The following PLPPR1 variants were observed in gnomAD, a reference collection of about 807,000 sequenced individuals.
PLPPR1 encodes the protein phospholipid phosphatase-related protein type 1.
A neutral mutation model predicts 33.1 loss-of-function variants in PLPPR1; 10 were observed. The ratio of observed to expected loss-of-function variants is 0.30; its 90% CI spans 0.19 to 0.51. PLPPR1 has a LOEUF of 0.51. Among genes scored for constraint, PLPPR1 ranks in the 20% least tolerant of loss-of-function variants. The pLI is 0.97. For synonymous variants in PLPPR1, 151 were observed against 151.0 expected, an observed-to-expected ratio of 1.00 and a Z score of 0.00; for missense variants, 304 against 408.1, an observed-to-expected ratio of 0.74 and a Z score of 2.20.
intron 2 of PLPPR1, among the ~76,000 whole-genome samples, chr9:101,253,590 T>A (rs1221824489): frequency 6.6e-6 from 1 of 152,126 alleles, no homozygotes; most frequent in Non-Finnish European, 1.5e-5. Context: ...TCTTATTTTC[T>A]ACTCATTCTG....
At chr9:101,140,960 C>T (rs779248954) in intron 1 of PLPPR1, among the ~76,000 whole-genome samples, 1 of 152,254 alleles carries the variant, frequency 6.6e-6, no homozygotes, top group South Asian at 2.1e-4. Flanking sequence ...AGGCAACACT[C>T]TCTGCTTAGA....
chr9:101,260,570 A>G (rs538752634), intron 2 of PLPPR1, among the ~76,000 whole-genome samples: 1 of 152,276 alleles, frequency 6.6e-6, no homozygotes, highest in South Asian at 2.1e-4. Context: ...TAGCCTGTGT[A>G]ACTGAGAGAA....
chr9:101,309,079 A>C (rs1460211171), intron 4 of PLPPR1, 132 bp from the exon 5 acceptor site: 2 of 880,476 alleles, frequency 2.3e-6, no homozygotes, highest in African/African-American at 3.3e-5. Flanking sequence ...CCACTCCTGG[A>C]AAGATACTCC....
intron 5 of PLPPR1, among the ~76,000 whole-genome samples, chr9:101,312,377 T>C (rs1828975332): frequency 6.6e-6 from 1 of 152,188 alleles, no homozygotes; most frequent in South Asian, 2.1e-4. Context: ...TTACAGTCAC[T>C]CTCCTACCTG....
intron 2 of PLPPR1, among the ~76,000 whole-genome samples, chr9:101,218,157 T>G (rs1826843225): frequency 1.3e-5 from 2 of 152,156 alleles, no homozygotes; most frequent in African/African-American, 4.8e-5. Context: ...AAGAATACAC[T>G]ATTCTTGATA....
At chr9:101,246,777 G>T (rs1023041224) in intron 2 of PLPPR1, among the ~76,000 whole-genome samples, 9 of 152,008 alleles carry the variant, frequency 5.9e-5, no homozygotes, top group African/African-American at 2.2e-4. Flanking sequence ...ACCATACTGG[G>T]CCGTTTTCCT....
Position 101,048,897 on chromosome 9 carries a change from A to G in PLPPR1, c.-46+19795A>G, listed in dbSNP as rs74454863. The stretch of plus-strand genomic sequence containing the variant: ...ACATACTCTCCAAGAACATTACAAA[A>G]TGATAAGAAATAGATAATAAAAAAA... On this transcript the variant is annotated intron_variant, in intron 1 of 7. Transcript: ENST00000374874. Among the ~76,000 whole-genome samples, 764 of 152,358 alleles carry G rather than the reference A, an allele frequency of 5.0e-3. 6 individuals are homozygous for G. Among genetic ancestry groups the G allele is most frequent in the African/African-American group, 0.018 (733 of 41,588 alleles).
chr9:101,078,083 G>C (rs981512935), intron 1 of PLPPR1, among the ~76,000 whole-genome samples: 4 of 82,864 alleles, frequency 4.8e-5, no homozygotes, highest in African/African-American at 1.8e-4. Flanking sequence ...CTGGAATGGA[G>C]GAGGAGGAGA....
intron 1 of PLPPR1, among the ~76,000 whole-genome samples, chr9:101,113,805 C>T (rs1191175636): frequency 8.6e-5 from 13 of 151,988 alleles, no homozygotes. Flanking sequence ...AAGCAATTTG[C>T]ATATTTCTGC....
intron 2 of PLPPR1, among the ~76,000 whole-genome samples, chr9:101,222,966 C>G (rs531503708): frequency 4.0e-5 from 6 of 151,882 alleles, no homozygotes; most frequent in Non-Finnish European, 1.5e-5. Context: ...AAAGAGGCTA[C>G]AGACTACTTC....
At chr9:101,087,940 A>G (rs541618795) in intron 1 of PLPPR1, among the ~76,000 whole-genome samples, 1 of 152,320 alleles carries the variant, frequency 6.6e-6, no homozygotes, top group South Asian at 2.1e-4. Context: ...TGTTAGATGT[A>G]TCTCTGTCTC....
At chr9:101,248,360 G>A (rs1827651719) in intron 2 of PLPPR1, among the ~76,000 whole-genome samples, 1 of 152,058 alleles carries the variant, frequency 6.6e-6, no homozygotes, top group South Asian at 2.1e-4. Flanking sequence ...ATCTTACAAA[G>A]TACTTTCACA....
intron 6 of PLPPR1, 45 bp downstream of exon 6, chr9:101,313,019 T>C (rs755722730): frequency 1.3e-6 from 2 of 1,573,880 alleles, no homozygotes; most frequent in South Asian, 1.1e-5. Flanking sequence ...TCTTCTACTC[T>C]CTGAAAAACT....
intron 2 of PLPPR1, among the ~76,000 whole-genome samples, chr9:101,249,569 AT>A (rs959385850): frequency 6.6e-6 from 1 of 151,726 alleles, no homozygotes; most frequent in South Asian, 2.1e-4. Context: ...ACTCTATACT[AT>A]TTTTTTTCCT....
chr9:101,268,079 G>C (rs984331310), intron 2 of PLPPR1, among the ~76,000 whole-genome samples: 4 of 151,872 alleles, frequency 2.6e-5, no homozygotes, highest in Non-Finnish European at 5.9e-5. Flanking sequence ...ACAGGAAGGG[G>C]AACATCACAC....
chr9:101,232,193 T>G (rs1827200924), intron 2 of PLPPR1, among the ~76,000 whole-genome samples: 1 of 152,014 alleles, frequency 6.6e-6, no homozygotes, highest in South Asian at 2.1e-4. Flanking sequence ...TTTTTTAATG[T>G]CTTCGAAAGT....
intron 1 of PLPPR1, chr9:101,131,455 A>C (rs959840191): frequency 6.6e-6 from 1 of 152,188 alleles, no homozygotes; most frequent in Admixed American, 6.5e-5. Context: ...TGTTGAGCTC[A>C]TCAGGTTTAA....
At chr9:101,274,360 T>C (rs1417129548) in intron 3 of PLPPR1, among the ~76,000 whole-genome samples, 2 of 152,184 alleles carry the variant, frequency 1.3e-5, no homozygotes, top group African/African-American at 2.4e-5. Context: ...TCAAGTAGGT[T>C]AGATGATTTG....
At chr9:101,104,491 A>G (rs1265360290) in intron 1 of PLPPR1, among the ~76,000 whole-genome samples, 1 of 120,460 alleles carries the variant, frequency 8.3e-6, no homozygotes, top group African/African-American at 3.6e-5. Context: ...CATCCCAGGG[A>G]TGAAGCCCAC....
Sources: allele counts gnomAD v4.1 joint callset (sites outside exome capture counted in the v4.1 genomes callset), GRCh38; gene constraint gnomAD v4.1.1; transcripts MANE v1.5; gene names NCBI Gene and HGNC (gene_info 2026-07-23, HGNC 2026-07-21).